Variants in RSPO1 observed in about 807,000 individuals in gnomAD.
The protein encoded by RSPO1 is R-spondin 1, also known as R-spondin-1.
A neutral mutation model predicts 26.0 loss-of-function variants in RSPO1; 18 were observed. The ratio of observed to expected loss-of-function variants is 0.69; its 90% CI spans 0.48 to 1.03. The LOEUF (loss-of-function observed/expected upper bound fraction) is 1.03, where lower values mean the gene tolerates loss of function less well. Among genes scored for constraint, RSPO1 ranks in the 50% least tolerant of loss-of-function variants. RSPO1 has a pLI of 0.00. For synonymous variants in RSPO1, 133 were observed against 137.4 expected, an observed-to-expected ratio of 0.97 and a Z score of 0.22; for missense variants, 309 against 352.3, an observed-to-expected ratio of 0.88 and a Z score of 0.98.
intron 2 of RSPO1, among the ~76,000 whole-genome samples, chr1:37,630,790 A>G (rs1242942498): frequency 6.6e-6 from 1 of 152,134 alleles, no homozygotes; most frequent in Non-Finnish European, 1.5e-5. Context: ...TGATGCTCTC[A>G]AGGTTCTTCC....
intron 1 of RSPO1, among the ~76,000 whole-genome samples, chr1:37,633,274 G>T (rs1378218662): frequency 6.6e-6 from 1 of 152,216 alleles, no homozygotes; most frequent in African/African-American, 2.4e-5. Context: ...GGGGCAACCC[G>T]CTGGGAGCTG....
chr1:37,634,203 G>A lies in RSPO1; in HGVS notation c.-356+363C>T, dbSNP rs1399520856. Among the ~76,000 whole-genome samples, 1 of 152,178 alleles carries A rather than the reference G, an allele frequency of 6.6e-6. No individual in the cohort carries two copies. The highest frequency in any genetic ancestry group is 2.4e-5 in the African/African-American group (1 of 41,452). ...GAGACCGTGGGACTTGGGGGAATCC[G>A]AGCCAATGAGCCCCAGGATCAAGAA... On this transcript the variant is annotated intron_variant, in intron 1 of 6. Coordinates refer to ENST00000356545, the MANE Select transcript of RSPO1 (RefSeq NM_001242908.2). This position sits in a 1 kb window ranked among gnomAD's most constrained non-coding sequence, Gnocchi z 4.7.
chr1:37,617,800 C>T (rs72659423), intron 3 of RSPO1, among the ~76,000 whole-genome samples: 32,063 of 151,620 alleles, frequency 0.21, 3,877 homozygotes, highest in Middle Eastern at 0.29. Flanking sequence ...ATGGACCTTG[C>T]GCAGTGTGAG....
At chr1:37,617,079 A>G (rs184753257) in intron 3 of RSPO1, among the ~76,000 whole-genome samples, 29 of 152,334 alleles carry the variant, frequency 1.9e-4, no homozygotes, top group Admixed American at 1.3e-3. Context: ...CAAGAGGGAT[A>G]AATAGTGAAA....
At chr1:37,621,802 GTT>G (rs112427832) in intron 3 of RSPO1, among the ~76,000 whole-genome samples, 3 of 140,578 alleles carry the variant, frequency 2.1e-5, no homozygotes, top group Non-Finnish European at 4.7e-5. Flanking sequence ...TCTTTTAAGA[GTT>G]TTTTTTTTTT....
chr1:37,628,246 G>A (rs547713612), intron 3 of RSPO1, among the ~76,000 whole-genome samples: 14 of 152,276 alleles, frequency 9.2e-5, no homozygotes, highest in Admixed American at 6.5e-4. Context: ...CCGCTAAACC[G>A]CATCTGGCCC....
At position 37,616,585 on chromosome 1, in the gene RSPO1, A is replaced by G. The variant is rs767766758; in HGVS notation, c.185T>C (p.Ile62Thr). The G allele has an allele frequency of 6.2e-7, 1 of 1,614,188 alleles. No homozygotes were observed. The highest frequency in any genetic ancestry group is 1.1e-5 in the South Asian group (1 of 91,084). ...GCLKCSPKLF[I>T]LLERNDIRQV... ...GCGGATGTCGTTCCTCTCCAGCAGG[A>G]TGAACAGCTTGGGTGAGCACTTGAG... Residue 62 changes from isoleucine to threonine, a missense_variant, in exon 4 of 7, where the codon ATC becomes ACC. Coordinates refer to ENST00000356545, the MANE Select transcript of RSPO1 (RefSeq NM_001242908.2).
rs538571748 is a variant in RSPO1, at chr1:37,614,172, G to A, written c.436+12C>T. The A allele has an allele frequency of 6.2e-7, 1 of 1,611,870 alleles. No homozygotes were observed. Among genetic ancestry groups the A allele is most frequent in the East Asian group, 2.2e-5 (1 of 44,858 alleles). ...CCTGGACCCTCTGCCCACAGTGCCT[G>A]CCATGGCTTACCAGGACTACTGCAC... On this transcript the variant is annotated intron_variant, in intron 5 of 6. Coordinates refer to ENST00000356545, the MANE Select transcript of RSPO1 (RefSeq NM_001242908.2).
chr1:37,627,403 A>T (rs531563142), intron 3 of RSPO1, among the ~76,000 whole-genome samples: 7 of 152,292 alleles, frequency 4.6e-5, no homozygotes, highest in Admixed American at 1.3e-4. Context: ...GGTGTTAAAA[A>T]TATATATCTA....
At chr1:37,633,720 G>A (rs569468756) in intron 1 of RSPO1, among the ~76,000 whole-genome samples, 1 of 152,134 alleles carries the variant, frequency 6.6e-6, no homozygotes, top group Admixed American at 6.5e-5. Flanking sequence ...CCTGTCTGTC[G>A]GAGCCAAGCC....
chr1:37,632,668 A>C (rs1485527907), intron 1 of RSPO1, among the ~76,000 whole-genome samples: 8 of 152,172 alleles, frequency 5.3e-5, no homozygotes, highest in Non-Finnish European at 1.0e-4. Context: ...ATCTTACATG[A>C]AATCTGATTT....
intron 3 of RSPO1, among the ~76,000 whole-genome samples, chr1:37,624,315 T>C (rs942634739): frequency 6.6e-6 from 1 of 152,162 alleles, no homozygotes. Flanking sequence ...CTGCCTGTTA[T>C]GGGGGGTGTG....
intron 1 of RSPO1, among the ~76,000 whole-genome samples, chr1:37,633,065 C>T (rs1355070593): frequency 2.0e-5 from 3 of 152,238 alleles, no homozygotes; most frequent in Non-Finnish European, 2.9e-5. Context: ...GTGAGGGATT[C>T]ACACTTGTTA....
At chr1:37,622,497 C>A (rs1049992086) in intron 3 of RSPO1, among the ~76,000 whole-genome samples, 3 of 151,870 alleles carry the variant, frequency 2.0e-5, no homozygotes, top group African/African-American at 7.3e-5. Context: ...GATGACAGGG[C>A]AAGACCCTGA....
intron 3 of RSPO1, among the ~76,000 whole-genome samples, chr1:37,622,610 G>A (rs1039794204): frequency 6.6e-6 from 1 of 152,240 alleles, no homozygotes; most frequent in Non-Finnish European, 1.5e-5. Context: ...AGGAAGGGGA[G>A]CTTGGGAAAG....
In RSPO1 at chr1:37,627,879, A is replaced by G. The variant is rs573401372; in HGVS notation, c.94+1689T>C. On this transcript the variant is annotated intron_variant, in intron 3 of 6. Transcript: ENST00000356545. ...TCCCCACCCTTGCCTCTTACCATCA[A>G]GGATGTCTGTTACTCACATCACTTG... 3.0e-4 allele frequency among the ~76,000 whole-genome samples: 45 copies of G among 152,258 alleles called. 1 individual carries two copies. Among genetic ancestry groups the G allele is most frequent in the African/African-American group, 1.1e-3 (44 of 41,538 alleles).
chr1:37,615,756 G>T (rs535313211), intron 4 of RSPO1, among the ~76,000 whole-genome samples: 2 of 152,332 alleles, frequency 1.3e-5, no homozygotes, highest in African/African-American at 4.8e-5. Context: ...ATATGGTAGC[G>T]TGTGCCTTGG....
chr1:37,616,919 GA>G (rs367966270), intron 3 of RSPO1, among the ~76,000 whole-genome samples: 4 of 152,214 alleles, frequency 2.6e-5, no homozygotes, highest in African/African-American at 9.6e-5. Flanking sequence ...GACACGACAC[GA>G]GTTCACTCTC....
chr1:37,622,850 G>A (rs147995156), intron 3 of RSPO1, among the ~76,000 whole-genome samples: 100 of 152,270 alleles, frequency 6.6e-4, no homozygotes, highest in African/African-American at 2.4e-3. Flanking sequence ...AGTGGGCTTC[G>A]GAGTGAGTGG....
Sources: gnomAD v4.1 joint callset for allele counts (sites outside exome capture counted in the v4.1 genomes callset) on GRCh38, gnomAD v4.1.1 for gene constraint, Gnocchi (gnomAD v3.1) non-coding constraint, MANE v1.5 for transcripts, NCBI Gene and HGNC (gene_info 2026-07-23, HGNC 2026-07-21) for gene names.